Variants in CSMD1 observed in about 807,000 individuals in gnomAD.
CSMD1 encodes CUB and Sushi multiple domains 1, also known as CUB and sushi domain-containing protein 1.
In CSMD1, 213 loss-of-function variants were observed where a neutral mutation model predicts 417.5. That is an observed-to-expected ratio of 0.51 (90% CI 0.46 to 0.57). The LOEUF (loss-of-function observed/expected upper bound fraction) is 0.57. Ranked by LOEUF, CSMD1 falls within the 20% of genes least tolerant of loss-of-function variation. CSMD1 has a pLI of 0.00. For missense variants in CSMD1, 6,923 were observed against 4,529.7 expected (o/e 1.53, Z -15.17); for synonymous variants, 2,862 against 1,736.8 (o/e 1.65, Z -16.11).
rs369500203 is a variant in CSMD1 at position 3,937,888 on chromosome 8, C to G, written c.818+60015G>C. Among the ~76,000 whole-genome samples, 8 of 152,192 alleles carry G rather than the reference C, an allele frequency of 5.3e-5. No homozygotes were observed. In the East Asian group the frequency reaches 1.4e-3, roughly 26 times the overall value. On this transcript the variant is annotated intron_variant, in intron 5 of 69. Transcript: ENST00000635120. ...CTCGAATTACTGCATACACAAGAAA[C>G]TTTATGATTTAAAGAGTTATAAAAC...
At chr8:3,944,194 G>T (rs1432958872) in intron 5 of CSMD1, among the ~76,000 whole-genome samples, 1 of 152,082 alleles carries the variant, frequency 6.6e-6, no homozygotes, top group Non-Finnish European at 1.5e-5. Flanking sequence ...GTCTGAAATG[G>T]TTTGAAAATA....
intron 63 of CSMD1, among the ~76,000 whole-genome samples, chr8:2,957,176 T>C (rs2670072): frequency 0.11 from 16,415 of 152,212 alleles, 1,085 homozygotes; most frequent in East Asian, 0.33. Context: ...TGTATTTGAA[T>C]GATCAATTCA....
At chr8:4,793,105 C>G (rs1797782334) in intron 1 of CSMD1, among the ~76,000 whole-genome samples, 1 of 151,842 alleles carries the variant, frequency 6.6e-6, no homozygotes. Flanking sequence ...ACAATTTTTT[C>G]TTTTGTCTTA....
At chr8:3,849,246 C>G (rs568753569) in intron 5 of CSMD1, among the ~76,000 whole-genome samples, 23 of 152,134 alleles carry the variant, frequency 1.5e-4, no homozygotes, top group African/African-American at 5.3e-4. Context: ...TAAAACGAAA[C>G]AAAACCACAG....
Position 4,565,036 on chromosome 8 carries a change from G to A in CSMD1, c.302+72306C>T, listed in dbSNP as rs138801261. 2.4e-3 allele frequency among the ~76,000 whole-genome samples: 358 copies of A among 152,248 alleles called. 1 individual carries two copies. Among genetic ancestry groups the A allele is most frequent in the African/African-American group, 7.2e-3 (301 of 41,548 alleles). ...AGATGTCTGTCATCTTCAACAAAAT[G>A]GATTTCAAGGCCTAGATTTAAGATA... On this transcript the variant is annotated intron_variant, in intron 2 of 69. Transcript: ENST00000635120.
chr8:3,540,642 G>A (rs1798398263), intron 10 of CSMD1, among the ~76,000 whole-genome samples: 1 of 151,972 alleles, frequency 6.6e-6, no homozygotes, highest in African/African-American at 2.4e-5. Context: ...ATCTGACAAA[G>A]GGCTAATATC....
At chr8:3,046,569 G>GATAGA (rs1405499803) in intron 50 of CSMD1, among the ~76,000 whole-genome samples, 1 of 152,116 alleles carries the variant, frequency 6.6e-6, no homozygotes, top group Non-Finnish European at 1.5e-5. Context: ...CTATGTACAG[G>GATAGA]CTGCTGGAAT....
chr8:3,816,617 A>C (rs1415231139), intron 5 of CSMD1, among the ~76,000 whole-genome samples: 1 of 152,186 alleles, frequency 6.6e-6, no homozygotes, highest in East Asian at 1.9e-4. Flanking sequence ...TAATGTACCA[A>C]ACAGAAGAGA....
intron 3 of CSMD1, among the ~76,000 whole-genome samples, chr8:4,225,457 A>T (rs1240843064): frequency 6.6e-6 from 1 of 152,120 alleles, no homozygotes; most frequent in African/African-American, 2.4e-5. Context: ...TTTAGAAATA[A>T]CAATAAAATA....
chr8:3,591,168 G>A (rs1402642939), intron 8 of CSMD1, among the ~76,000 whole-genome samples: 1 of 152,160 alleles, frequency 6.6e-6, no homozygotes. Flanking sequence ...GTAAGATCAA[G>A]ATACATGGTA....
chr8:4,337,696 T>A (rs552080175), intron 3 of CSMD1, among the ~76,000 whole-genome samples: 1 of 152,168 alleles, frequency 6.6e-6, no homozygotes, highest in African/African-American at 2.4e-5. Context: ...GCATGCCAAC[T>A]TTTAAAAGAG....
At chr8:3,259,469 T>G (rs1177649681) in intron 26 of CSMD1, among the ~76,000 whole-genome samples, 2 of 152,236 alleles carry the variant, frequency 1.3e-5, no homozygotes, top group Admixed American at 6.5e-5. Flanking sequence ...ATATCATTCT[T>G]AAGTATTCAA....
chr8:4,637,498 G>C lies in CSMD1; in HGVS notation c.146C>G (p.Pro49Arg), dbSNP rs1407448683. Residue 49 changes from proline to arginine, a missense_variant, in exon 2 of 70, where the codon CCT (proline) becomes CGT (arginine). Coordinates refer to ENST00000635120, the MANE Select transcript of CSMD1 (RefSeq NM_033225.6). ...PNGTIESPGF[P>R]HGYPNYANCT... is the part of the protein sequence containing the mutation. ...GTTGGCATAGTTCGGATACCCGTGA[G>C]GAAACCCTGGGCTCTCAATAGTGCC... is the stretch of plus-strand genomic sequence containing the variant. 2 of 1,613,852 alleles carry C rather than the reference G, an allele frequency of 1.2e-6. No individual in the cohort carries two copies. The highest frequency in any genetic ancestry group is 1.7e-6 in the Non-Finnish European group (2 of 1,179,872).
chr8:4,842,276 G>C (rs913599566), intron 1 of CSMD1, among the ~76,000 whole-genome samples: 1 of 152,218 alleles, frequency 6.6e-6, no homozygotes, highest in Non-Finnish European at 1.5e-5. Flanking sequence ...GAATCTTCCA[G>C]ATGCATTGAA....
Position 4,264,426 on chromosome 8 carries a change from A to C in CSMD1, c.415+155527T>G, listed in dbSNP as rs1804100089. Among the ~76,000 whole-genome samples, 3 of 152,340 alleles carry C rather than the reference A, an allele frequency of 2.0e-5. No homozygotes were observed. The South Asian group carries it at 6.2e-4, about 32-fold the overall frequency. On this transcript the variant is annotated intron_variant, in intron 3 of 69. Coordinates refer to ENST00000635120, the MANE Select transcript of CSMD1 (RefSeq NM_033225.6). The stretch of plus-strand genomic sequence containing the variant: ...AGGTTGCACATGTATCTAAGGATCT[A>C]GTTTAATAAAACAAATTACTGGTAC...
intron 2 of CSMD1, among the ~76,000 whole-genome samples, chr8:4,628,742 G>A (rs1294339030): frequency 1.3e-5 from 2 of 152,092 alleles, no homozygotes; most frequent in Admixed American, 1.3e-4. Context: ...AGAGCCCTCA[G>A]GTGAGTTAGA....
chr8:4,849,644 T>G (rs1248585809), intron 1 of CSMD1, among the ~76,000 whole-genome samples: 1 of 152,170 alleles, frequency 6.6e-6, no homozygotes. Context: ...ACACAAATAC[T>G]TGATATTGTA....
At chr8:3,129,826 TA>T (rs1443373161) in intron 41 of CSMD1, among the ~76,000 whole-genome samples, 8 of 152,140 alleles carry the variant, frequency 5.3e-5, no homozygotes, top group African/African-American at 1.9e-4. Flanking sequence ...CTGTCTCTAC[TA>T]AAAATACAAA....
chr8:4,686,458 G>A (rs1584944778), intron 1 of CSMD1, among the ~76,000 whole-genome samples: 1 of 152,324 alleles, frequency 6.6e-6, no homozygotes, highest in East Asian at 1.9e-4. Flanking sequence ...CCTTGTGCGA[G>A]AGGGGGCCTC....
Sources: allele counts gnomAD v4.1 joint callset (sites outside exome capture counted in the v4.1 genomes callset), GRCh38; gene constraint gnomAD v4.1.1; transcripts MANE v1.5; gene names NCBI Gene and HGNC (gene_info 2026-07-23, HGNC 2026-07-21).